The following ADAM19 variants were observed in gnomAD, a reference collection of about 807,000 sequenced individuals.
ADAM19 encodes the protein disintegrin and metalloproteinase domain-containing protein 19.
A neutral mutation model predicts 114.7 loss-of-function variants in ADAM19; 65 were observed. The observed-to-expected ratio is 0.57, with a 90% confidence interval of 0.46 to 0.70. The LOEUF is 0.70. Among genes scored for constraint, ADAM19 ranks in the 30% least tolerant of loss-of-function variants. The probability of loss-of-function intolerance (pLI) is 0.00; values close to 1 mark genes in which losing one functional copy is unlikely to be tolerated. For synonymous variants in ADAM19, 466 were observed against 460.5 expected, an observed-to-expected ratio of 1.01 and a Z score of -0.15; for missense variants, 1,063 against 1,204.7, an observed-to-expected ratio of 0.88 and a Z score of 1.74.
intron 7 of ADAM19, among the ~76,000 whole-genome samples, chr5:157,516,843 C>G (rs1479012037): frequency 6.6e-6 from 1 of 152,130 alleles, no homozygotes; most frequent in Non-Finnish European, 1.5e-5. Flanking sequence ...GGAGCCTCAG[C>G]TGGCTTTTAA....
At position 157,502,777 on chromosome 5, in the gene ADAM19, C is replaced by T. The variant is rs779576914; in HGVS notation, c.1308+26G>A. On this transcript the variant is annotated intron_variant, in intron 12 of 22. Coordinates refer to ENST00000257527, the MANE Select transcript of ADAM19 (RefSeq NM_033274.5). Reference sequence around the variant, plus strand: ...GAAACCAATGCAAATTCTTCCCCTCCCACTAGCACCATTGTGACCCCTCAC... The same window carrying T: ...GAAACCAATGCAAATTCTTCCCCTCTCACTAGCACCATTGTGACCCCTCAC... The T allele has an allele frequency of 3.1e-6, 5 of 1,602,708 alleles. No individual in the cohort carries two copies. In the South Asian group the frequency reaches 5.5e-5, roughly 18 times the overall value.
At chr5:157,518,140 T>C (rs58873874) in intron 7 of ADAM19, among the ~76,000 whole-genome samples, 10,698 of 151,902 alleles carry the variant, frequency 0.07, 437 homozygotes, top group Middle Eastern at 0.099. Context: ...TTTATCATCT[T>C]TGCAAAAAAA....
intron 11 of ADAM19, 70 bp from the exon 12 acceptor site, chr5:157,503,050 C>T: frequency 6.9e-7 from 1 of 1,448,622 alleles, no homozygotes; most frequent in South Asian, 1.3e-5. Flanking sequence ...GTCACTCGTG[C>T]TGTCACTCCT....
intron 7 of ADAM19, 39 bp downstream of exon 7, chr5:157,518,784 A>T: frequency 6.7e-7 from 1 of 1,495,798 alleles, no homozygotes; most frequent in Middle Eastern, 1.7e-4. Context: ...AGCTATCAAG[A>T]GAGCAGTTTT....
In ADAM19 at chr5:157,491,594, CCCCAGCAGG is replaced by C. The variant is rs1378314604; in HGVS notation, c.2095+12_2095+20del. 3.4e-6 allele frequency: 5 copies of C among 1,456,836 alleles called. No individual in the cohort carries two copies. The highest frequency in any genetic ancestry group is 4.6e-6 in the Non-Finnish European group (5 of 1,096,782). The allele number at this position is 1,456,836 out of a possible 1,614,324, so 90.2% of individuals were successfully genotyped here. ...CTCTTCTCACAAAAGCGGGCAGTGG[CCCCAGCAGG>C]CTGGCACTCACTCTCAGGGGGCATA... On this transcript the variant is annotated intron_variant, in intron 18 of 22. Transcript: ENST00000257527.
chr5:157,482,521 G>T (rs553268079), intron 21 of ADAM19, among the ~76,000 whole-genome samples: 44 of 152,278 alleles, frequency 2.9e-4, no homozygotes, highest in African/African-American at 9.6e-4. Flanking sequence ...TTCTTCTAGG[G>T]TTTTTATGGT....
At position 157,491,624 on chromosome 5, in the gene ADAM19, G is replaced by A. The variant is rs746170380; in HGVS notation, c.2086C>T (p.Pro696Ser). 35 of 1,519,618 alleles carry A rather than the reference G, an allele frequency of 2.3e-5. No individual in the cohort carries two copies. The highest frequency in any genetic ancestry group is 3.0e-5 in the Non-Finnish European group (34 of 1,132,882). The allele number at this position is 1,519,618 out of a possible 1,614,324, so 94.1% of individuals were successfully genotyped here. ...HGGSIDSGPMPPESVGPVVAG... is the reference protein window; with the variant it reads ...HGGSIDSGPMSPESVGPVVAG... Reference sequence around the variant, plus strand: ...GCAGGCTGGCACTCACTCTCAGGGGGCATAGGCCCACTGTCGATACTGCCC... The same window carrying A: ...GCAGGCTGGCACTCACTCTCAGGGGACATAGGCCCACTGTCGATACTGCCC... The change falls in exon 18 of 23, where the codon CCC becomes TCC. Residue 696 changes from proline to serine, a missense_variant. By Grantham distance (74) the Pro-to-Ser change is moderately conservative. This residue lies in a region of ADAM19 where 424 missense variants were observed against 445.5 expected (regional missense o/e 0.95). Transcript: ENST00000257527.
chr5:157,526,169 T>TACAC (rs1361376566), intron 5 of ADAM19, among the ~76,000 whole-genome samples: 2 of 148,052 alleles, frequency 1.4e-5, no homozygotes, highest in African/African-American at 5.2e-5. Context: ...CATATATATA[T>TACAC]ATATACACAC....
At chr5:157,555,644 A>T (rs984817151) in intron 3 of ADAM19, among the ~76,000 whole-genome samples, 1 of 152,322 alleles carries the variant, frequency 6.6e-6, no homozygotes, top group East Asian at 1.9e-4. Flanking sequence ...GCATTGTCAT[A>T]CATTATCTCC....
chr5:157,548,217 C>T lies in ADAM19; in HGVS notation c.252-10226G>A, dbSNP rs1367145841. On this transcript the variant is annotated intron_variant, in intron 3 of 22. Transcript: ENST00000257527. Reference sequence around the variant, plus strand: ...CCAATCCAGAGGAAGTTCCCCTTCCCCATGTTCCTACAGTACCCTCTACTT... The same window carrying T: ...CCAATCCAGAGGAAGTTCCCCTTCCTCATGTTCCTACAGTACCCTCTACTT... Among the ~76,000 whole-genome samples the T allele has an allele frequency of 5.9e-5, 9 of 152,274 alleles. No homozygotes were observed. In the East Asian group the frequency reaches 1.7e-3, roughly 29 times the overall value.
chr5:157,505,536 T>TA (rs1384114274), intron 11 of ADAM19, 133 bp downstream of exon 11: 2 of 1,076,792 alleles, frequency 1.9e-6, no homozygotes, highest in Non-Finnish European at 2.6e-6. Flanking sequence ...TTCTTTGTTG[T>TA]AAAAACTACA....
At chr5:157,561,349 C>T (rs964626657) in intron 3 of ADAM19, among the ~76,000 whole-genome samples, 24 of 152,218 alleles carry the variant, frequency 1.6e-4, no homozygotes, top group Non-Finnish European at 3.4e-4. Context: ...GTGTGAATTC[C>T]ATTAAAGGCT....
chr5:157,535,076 C>T (rs1045860946), intron 4 of ADAM19, among the ~76,000 whole-genome samples: 9 of 152,070 alleles, frequency 5.9e-5, no homozygotes, highest in African/African-American at 1.9e-4. Context: ...TATGAATTCC[C>T]ATAAAAATTA....
Position 157,575,763 on chromosome 5 carries a change from T to C in ADAM19, c.-67A>G, listed in dbSNP as rs1208974815. On this transcript the variant is annotated 5_prime_UTR_variant, in exon 1 of 23. Coordinates refer to ENST00000257527, the MANE Select transcript of ADAM19 (RefSeq NM_033274.5). ...GCCATACCTGCCCACTGCCCGGCGG[T>C]GGAGGCGCGTCTGGAACCCCCCGGC... is the stretch of plus-strand genomic sequence containing the variant. The C allele has an allele frequency of 6.8e-6, 8 of 1,177,318 alleles. No individual in the cohort carries two copies. The highest frequency in any genetic ancestry group is 6.4e-5 in the African/African-American group (4 of 62,730). 72.9% of individuals were successfully genotyped at this position (1,177,318 alleles called of 1,614,324 possible).
Position 157,499,589 on chromosome 5 carries a change from C to T in ADAM19, c.1382G>A (p.Cys461Tyr). 6.2e-7 allele frequency: 1 copy of T among 1,613,280 alleles called. No individual in the cohort carries two copies. Among genetic ancestry groups the T allele is most frequent in the Non-Finnish European group, 8.5e-7 (1 of 1,179,820 alleles). Reference sequence around the variant, plus strand: ...GCCACTTACCTTACACTGGTGGCAGCAGGAGCCGTGAGCACACTCCGCCCC... The same window carrying T: ...GCCACTTACCTTACACTGGTGGCAGTAGGAGCCGTGAGCACACTCCGCCCC... ...RPGAECAHGS[C>Y]CHQCKLLAPG... Residue 461 changes from cysteine (C) to tyrosine (Y), a missense_variant, in exon 13 of 23, where the codon TGC (cysteine) becomes TAC (tyrosine). By Grantham distance (194) the Cys-to-Tyr change is radical. Coordinates refer to ENST00000257527, the MANE Select transcript of ADAM19 (RefSeq NM_033274.5).
intron 22 of ADAM19, chr5:157,481,392 G>A (rs939779861): frequency 3.3e-6 from 2 of 599,806 alleles, no homozygotes; most frequent in African/African-American, 1.9e-5. Flanking sequence ...GAGGGGCCAA[G>A]TGTACACAGC....
At chr5:157,564,930 C>T (rs1195457286) in intron 2 of ADAM19, among the ~76,000 whole-genome samples, 2 of 152,086 alleles carry the variant, frequency 1.3e-5, no homozygotes, top group Non-Finnish European at 2.9e-5. Context: ...TATCACAGTG[C>T]CTGGCACACG....
intron 3 of ADAM19, among the ~76,000 whole-genome samples, chr5:157,560,692 G>A (rs1379803257): frequency 1.3e-5 from 2 of 152,218 alleles, no homozygotes; most frequent in African/African-American, 2.4e-5. Flanking sequence ...ATGTGATTGT[G>A]TCTGTGAGGA....
Position 157,491,647 on chromosome 5 carries a change from C to G in ADAM19, c.2063G>C (p.Gly688Ala). 1.3e-6 allele frequency: 2 copies of G among 1,552,052 alleles called. No homozygotes were observed. The highest frequency in any genetic ancestry group is 1.7e-6 in the Non-Finnish European group (2 of 1,148,460). ...GGGCATAGGCCCACTGTCGATACTG[C>G]CCCCGTGGCCCGGTGTGTTGCAGAA... ...PPFCNTPGHG[G>A]SIDSGPMPPE... is the part of the protein sequence containing the mutation. The change falls in exon 18 of 23, where the codon GGC becomes GCC. Residue 688 changes from glycine (G) to alanine (A), a missense_variant. Coordinates refer to ENST00000257527, the MANE Select transcript of ADAM19 (RefSeq NM_033274.5).
Sources: gnomAD v4.1 joint callset for allele counts (sites outside exome capture counted in the v4.1 genomes callset) on GRCh38, gnomAD v4.1.1 for gene constraint, gnomAD v4.1.1 regional missense constraint, MANE v1.5 for transcripts, NCBI Gene and HGNC (gene_info 2026-07-23, HGNC 2026-07-21) for gene names.